PSD3: variants seen among roughly 807,000 people sequenced by gnomAD.
The protein encoded by PSD3 is PH and SEC7 domain-containing protein 3.
PSD3 carries 49 observed loss-of-function variants against 105.5 expected under a neutral mutation model. The ratio of observed to expected loss-of-function variants is 0.46; its 90% CI spans 0.37 to 0.59. The LOEUF (loss-of-function observed/expected upper bound fraction) is 0.59, where lower values mean the gene tolerates loss of function less well. Among genes scored for constraint, PSD3 ranks in the 20% least tolerant of loss-of-function variants. The probability of loss-of-function intolerance (pLI) is 0.00; values close to 1 mark genes in which losing one functional copy is unlikely to be tolerated. For synonymous variants in PSD3, 557 were observed against 457.8 expected, an observed-to-expected ratio of 1.22 and a Z score of -2.77; for missense variants, 1,561 against 1,263.8, an observed-to-expected ratio of 1.24 and a Z score of -3.57.
chr8:18,653,762 C>G (rs1250005729), intron 10 of PSD3, among the ~76,000 whole-genome samples: 1 of 149,766 alleles, frequency 6.7e-6, no homozygotes, highest in Non-Finnish European at 1.5e-5. Flanking sequence ...TCTGCTGTAA[C>G]AAATTAAAAA....
intron 2 of PSD3, among the ~76,000 whole-genome samples, chr8:18,932,853 C>G (rs1469397632): frequency 1.3e-5 from 2 of 152,196 alleles, no homozygotes; most frequent in African/African-American, 4.8e-5. Flanking sequence ...ATTTGAAATG[C>G]TCTCCCCACA....
chr8:18,567,162 C>A (rs901717095), intron 14 of PSD3, among the ~76,000 whole-genome samples: 2 of 152,156 alleles, frequency 1.3e-5, no homozygotes, highest in South Asian at 4.1e-4. Flanking sequence ...TCACCTTCTC[C>A]CCTGGATCTT....
At chr8:18,796,766 T>C (rs944634139) in intron 8 of PSD3, among the ~76,000 whole-genome samples, 2 of 152,292 alleles carry the variant, frequency 1.3e-5, no homozygotes, top group Non-Finnish European at 2.9e-5. Context: ...TGCTGCAGTA[T>C]TGCTATTATG....
At chr8:18,940,033 T>C (rs912008390) in intron 1 of PSD3, 4 of 152,178 alleles carry the variant, frequency 2.6e-5, no homozygotes, top group Admixed American at 2.6e-4. Context: ...ACCTAAACTG[T>C]TGGAAACATA....
intron 8 of PSD3, among the ~76,000 whole-genome samples, chr8:18,783,700 C>G (rs1456708288): frequency 2.0e-5 from 3 of 152,194 alleles, no homozygotes; most frequent in African/African-American, 7.2e-5. Context: ...GTGGCACAAT[C>G]TCAGCTCACT....
At chr8:18,724,497 C>G (rs1399715884) in intron 9 of PSD3, among the ~76,000 whole-genome samples, 1 of 151,942 alleles carries the variant, frequency 6.6e-6, no homozygotes, top group Non-Finnish European at 1.5e-5. Flanking sequence ...GTAATCCCAG[C>G]TACTTGAGAA....
chr8:18,992,409 C>T (rs1024874170), intron 1 of PSD3, among the ~76,000 whole-genome samples: 1 of 152,146 alleles, frequency 6.6e-6, no homozygotes, highest in Non-Finnish European at 1.5e-5. Context: ...TTGGAAGTGT[C>T]TGGCACACAC....
chr8:18,978,341 G>T (rs556071165), intron 1 of PSD3, among the ~76,000 whole-genome samples: 2 of 152,308 alleles, frequency 1.3e-5, no homozygotes, highest in Admixed American at 1.3e-4. Flanking sequence ...AAATCATTTT[G>T]CATGATGACT....
chr8:18,733,994 GACC>G (rs1803965065), intron 9 of PSD3: 1 of 152,108 alleles, frequency 6.6e-6, no homozygotes, highest in African/African-American at 2.4e-5. Flanking sequence ...TTTAAATACA[GACC>G]CCTAGGCAAA....
chr8:18,897,667 G>A (rs1186284261), intron 2 of PSD3, among the ~76,000 whole-genome samples: 6 of 152,068 alleles, frequency 3.9e-5, no homozygotes, highest in Non-Finnish European at 8.8e-5. Flanking sequence ...GCATATGCCT[G>A]CTGCAATTTC....
chr8:18,661,193 CTGAATCATTATGAAAAGTATGGAGGA>C (rs1174191341), intron 9 of PSD3, among the ~76,000 whole-genome samples: 3 of 152,094 alleles, frequency 2.0e-5, no homozygotes, highest in Non-Finnish European at 4.4e-5. Flanking sequence ...TCTGTGGTTC[CTGAATCATTATGAAAAGTATGGAGGA>C]TATCACAGCT....
At chr8:18,728,842 A>G (rs1223368477) in intron 9 of PSD3, among the ~76,000 whole-genome samples, 1 of 152,180 alleles carries the variant, frequency 6.6e-6, no homozygotes, top group Non-Finnish European at 1.5e-5. Flanking sequence ...AAAAGCTATG[A>G]AAATGAATAT....
chr8:18,807,370 C>T (rs1811292420), intron 4 of PSD3, among the ~76,000 whole-genome samples: 1 of 152,138 alleles, frequency 6.6e-6, no homozygotes, highest in Non-Finnish European at 1.5e-5. Context: ...TCTCCAAGCA[C>T]ACTTTATCGG....
At chr8:19,018,653 G>A (rs1043856146), upstream of PSD3, among the ~76,000 whole-genome samples, 2 of 152,206 alleles carry the variant, frequency 1.3e-5, no homozygotes, top group African/African-American at 4.8e-5. Context: ...AAAAGGTAGA[G>A]GTGGAGAGCC....
chr8:19,063,781 A>C (rs1302440125), intron 1 of PSD3, among the ~76,000 whole-genome samples: 1 of 152,214 alleles, frequency 6.6e-6, no homozygotes, highest in Non-Finnish European at 1.5e-5. Context: ...TTAAAATAAG[A>C]GTTGTTTTTT....
Position 18,871,989 on chromosome 8 carries a change from C to G in PSD3, c.875G>C (p.Arg292Pro). Reference protein sequence around the residue: ...GGCDRSSSMGRPGRVKHVEFQ... With the variant: ...GGCDRSSSMGPPGRVKHVEFQ... ...TTCCACATGTTTGACCCGGCCTGGGCGTCCCATGGAGCTGCTTCGATCACA... is the reference window on the plus strand; with the variant it reads ...TTCCACATGTTTGACCCGGCCTGGGGGTCCCATGGAGCTGCTTCGATCACA... The change falls in exon 3 of 16, where the codon CGC becomes CCC. Residue 292 changes from arginine (R) to proline (P), a missense_variant. Physicochemically the swap from Arg to Pro is moderately radical, Grantham distance 103. Coordinates refer to ENST00000327040, the MANE Select transcript of PSD3 (RefSeq NM_015310.4). 6.2e-7 allele frequency: 1 copy of G among 1,614,126 alleles called. No individual in the cohort carries two copies. Among genetic ancestry groups the G allele is most frequent in the Non-Finnish European group, 8.5e-7 (1 of 1,180,016 alleles).
intron 4 of PSD3, among the ~76,000 whole-genome samples, chr8:18,836,651 T>C (rs1814132249): frequency 6.6e-6 from 1 of 152,218 alleles, no homozygotes; most frequent in African/African-American, 2.4e-5. Context: ...CAGACCTTTA[T>C]ATAAAATGGT....
intron 9 of PSD3, among the ~76,000 whole-genome samples, chr8:18,757,861 G>T (rs892670004): frequency 6.6e-6 from 1 of 152,052 alleles, no homozygotes; most frequent in Non-Finnish European, 1.5e-5. Flanking sequence ...AGTTATTTCT[G>T]AACTGTTGGT....
chr8:19,055,197 G>A (rs1039311290), intron 1 of PSD3, among the ~76,000 whole-genome samples: 1 of 152,112 alleles, frequency 6.6e-6, no homozygotes, highest in Non-Finnish European at 1.5e-5. Context: ...AATTTAGGAT[G>A]GTTACCCAAG....
Sources: allele counts gnomAD v4.1 joint callset (sites outside exome capture counted in the v4.1 genomes callset), GRCh38; gene constraint gnomAD v4.1.1; transcripts MANE v1.5; gene names NCBI Gene and HGNC (gene_info 2026-07-23, HGNC 2026-07-21).